ABL2: variants seen among roughly 807,000 people sequenced by gnomAD.
ABL2 encodes the protein ABL proto-oncogene 2, non-receptor tyrosine kinase.
A neutral mutation model predicts 107.7 loss-of-function variants in ABL2; 49 were observed. The observed-to-expected ratio is 0.45, with a 90% CI of 0.36 to 0.58. The LOEUF (loss-of-function observed/expected upper bound fraction) is 0.58. Among genes scored for constraint, ABL2 ranks in the 20% least tolerant of loss-of-function variants. The pLI, the probability that ABL2 is intolerant of heterozygous loss-of-function variation, is 0.00. For synonymous variants in ABL2, 549 were observed against 548.6 expected, an observed-to-expected ratio of 1.00 and a Z score of -0.01; for missense variants, 1,245 against 1,457.0, an observed-to-expected ratio of 0.85 and a Z score of 2.37.
At chr1:179,181,916 G>T (rs1660397149) in intron 1 of ABL2, among the ~76,000 whole-genome samples, 1 of 149,930 alleles carries the variant, frequency 6.7e-6, no homozygotes, top group African/African-American at 2.5e-5. Context: ...GAGTAGCCGG[G>T]ACTATAGTCA....
intron 1 of ABL2, among the ~76,000 whole-genome samples, chr1:179,169,043 T>G (rs899468865): frequency 4.6e-5 from 7 of 152,158 alleles, no homozygotes. Flanking sequence ...TTAGTAATAT[T>G]GGAGAGTGTT....
chr1:179,169,372 C>T (rs1349818142), intron 1 of ABL2, among the ~76,000 whole-genome samples: 1 of 151,916 alleles, frequency 6.6e-6, no homozygotes, highest in African/African-American at 2.4e-5. Context: ...CACAGTGAAA[C>T]CCGGTCTCTA....
At chr1:179,115,104 T>A in intron 8 of ABL2, 74 bp from the exon 9 acceptor site, 1 of 1,430,420 alleles carries the variant, frequency 7.0e-7, no homozygotes, top group Non-Finnish European at 9.4e-7. Flanking sequence ...GGTGATTCTC[T>A]TTCATATTTT....
chr1:179,110,590 A>T lies in ABL2; in HGVS notation c.1652-135T>A. 2.0e-6 allele frequency: 3 copies of T among 1,500,966 alleles called. No homozygotes were observed. The South Asian group carries it at 4.1e-5, about 20-fold the overall frequency. 93.0% of individuals were successfully genotyped at this position (1,500,966 alleles called of 1,614,324 possible). A position where few individuals can be genotyped will look rare whatever the true frequency, so the allele number is the denominator to read the frequency against. On this transcript the variant is annotated intron_variant, in intron 10 of 11. Coordinates refer to ENST00000502732, the MANE Select transcript of ABL2 (RefSeq NM_007314.4). The stretch of plus-strand genomic sequence containing the variant: ...AAATACATACACGGAATCATAAAGT[A>T]TGTACTCTTTTGTCTGGCTTCTTTC...
intron 1 of ABL2, among the ~76,000 whole-genome samples, chr1:179,155,831 T>A (rs1274336296): frequency 6.6e-6 from 1 of 152,046 alleles, no homozygotes; most frequent in African/African-American, 2.4e-5. Context: ...AATTTCCATC[T>A]CTTCTTGGAA....
chr1:179,131,541 G>C, intron 2 of ABL2, 60 bp from the exon 3 acceptor site: 1 of 1,534,254 alleles, frequency 6.5e-7, no homozygotes, highest in Non-Finnish European at 9.0e-7. Flanking sequence ...ACATTTGTTT[G>C]AATTCATTAT....
At position 179,099,675 on chromosome 1, in the gene ABL2, G is replaced by T. The variant is rs1022532014; in HGVS notation, c.*8043C>A. On this transcript the variant is annotated 3_prime_UTR_variant, in exon 12 of 12. Transcript: ENST00000502732. ...CCCTCTGTGCACCACATACACACCT[G>T]CGGGGCGGGACCTTTGGTATAAACG... is the stretch of plus-strand genomic sequence containing the variant. 7.8e-5 allele frequency: 18 copies of T among 231,128 alleles called. No individual in the cohort carries two copies. Among genetic ancestry groups the T allele is most frequent in the African/African-American group, 3.8e-4 (17 of 45,210 alleles). The allele number at this position is 231,128 out of a possible 1,614,324, so 14.3% of individuals were successfully genotyped here. A position where few individuals can be genotyped will look rare whatever the true frequency, so the allele number is the denominator to read the frequency against.
At chr1:179,132,234 C>T (rs1219815065) in intron 2 of ABL2, among the ~76,000 whole-genome samples, 1 of 152,108 alleles carries the variant, frequency 6.6e-6, no homozygotes, top group Admixed American at 6.5e-5. Flanking sequence ...TATCATCGGG[C>T]ATTTATTGAG....
chr1:179,156,162 T>C (rs1375213973), intron 1 of ABL2, among the ~76,000 whole-genome samples: 1 of 152,242 alleles, frequency 6.6e-6, no homozygotes, highest in African/African-American at 2.4e-5. Flanking sequence ...GCGGAGCTAG[T>C]TCTCCAATAT....
chr1:179,180,304 T>A (rs1056166809), intron 1 of ABL2, among the ~76,000 whole-genome samples: 1 of 152,112 alleles, frequency 6.6e-6, no homozygotes, highest in Non-Finnish European at 1.5e-5. Context: ...GACCTCACTC[T>A]GAAGATGGTA....
intron 8 of ABL2, 103 bp from the exon 9 acceptor site, chr1:179,115,133 G>A (rs2274229): frequency 0.07 from 75,107 of 1,072,246 alleles, 2,983 homozygotes; most frequent in Middle Eastern, 0.1. Flanking sequence ...TTCACACACT[G>A]TTACAACAAC....
chr1:179,157,371 C>T (rs1162608800), intron 1 of ABL2, among the ~76,000 whole-genome samples: 2 of 151,954 alleles, frequency 1.3e-5, no homozygotes, highest in African/African-American at 4.8e-5. Flanking sequence ...ATGGCGTGTG[C>T]CTATAATCTC....
At chr1:179,212,249 C>T (rs1466174035) in intron 1 of ABL2, among the ~76,000 whole-genome samples, 1 of 152,192 alleles carries the variant, frequency 6.6e-6, no homozygotes, top group East Asian at 1.9e-4. Flanking sequence ...GGGATTATTA[C>T]AATTCAAGGT....
intron 1 of ABL2, among the ~76,000 whole-genome samples, chr1:179,166,272 T>C (rs1334429520): frequency 2.0e-5 from 3 of 152,046 alleles, no homozygotes; most frequent in Non-Finnish European, 2.9e-5. Context: ...AAAAAGCTTC[T>C]GCACAGCAAA....
At chr1:179,115,708 GGATA>G (rs1654555076) in intron 8 of ABL2, among the ~76,000 whole-genome samples, 1 of 151,892 alleles carries the variant, frequency 6.6e-6, no homozygotes, top group African/African-American at 2.4e-5. Context: ...ATTCTCCTGA[GGATA>G]AAGGAGAACC....
At chr1:179,137,058 A>G (rs1225199588) in intron 1 of ABL2, among the ~76,000 whole-genome samples, 3 of 152,134 alleles carry the variant, frequency 2.0e-5, no homozygotes, top group Non-Finnish European at 4.4e-5. Flanking sequence ...ATTCCAGTTA[A>G]TTCAATTTTG....
At chr1:179,202,359 A>G (rs2816209) in intron 1 of ABL2, among the ~76,000 whole-genome samples, 45,764 of 152,052 alleles carry the variant, frequency 0.3, 7,777 homozygotes, top group East Asian at 0.43. Context: ...CCTCTTCTTA[A>G]AAGAAATTAA....
At chr1:179,121,362 C>T (rs184825512) in intron 5 of ABL2, among the ~76,000 whole-genome samples, 2 of 152,338 alleles carry the variant, frequency 1.3e-5, no homozygotes, top group East Asian at 3.9e-4. Flanking sequence ...AGATCTACAT[C>T]AACAGCCTCC....
In ABL2 at chr1:179,107,382, G is replaced by C; in HGVS notation, c.*336C>G. 2 of 298,510 alleles carry C rather than the reference G, an allele frequency of 6.7e-6. No individual in the cohort carries two copies. Among genetic ancestry groups the C allele is most frequent in the Non-Finnish European group, 1.3e-5 (2 of 159,258 alleles). 18.5% of individuals were successfully genotyped at this position (298,510 alleles called of 1,614,324 possible). On this transcript the variant is annotated 3_prime_UTR_variant, in exon 12 of 12. Coordinates refer to ENST00000502732, the MANE Select transcript of ABL2 (RefSeq NM_007314.4). ...TGGGTGCAGCTGCTGCAGTCTTGCT[G>C]AGAGCAGCCCTGCCTAGCACTTCCC...
Sources: allele counts gnomAD v4.1 joint callset (sites outside exome capture counted in the v4.1 genomes callset), GRCh38; gene constraint gnomAD v4.1.1; transcripts MANE v1.5; gene names NCBI Gene and HGNC (gene_info 2026-07-23, HGNC 2026-07-21).